Variants in TBCK observed in about 807,000 individuals in gnomAD.
TBCK encodes the protein TBC1 domain containing kinase.
Under a neutral mutation model 113.4 loss-of-function variants are expected in TBCK, and 99 were observed. The ratio of observed to expected loss-of-function variants is 0.87; its 90% CI spans 0.74 to 1.03. The LOEUF is 1.03. TBCK is among the 50% of genes least tolerant of loss of function. The pLI, the probability that TBCK is intolerant of heterozygous loss-of-function variation, is 0.00. For missense variants in TBCK, 1,045 were observed against 1,061.3 expected (o/e 0.98, Z 0.21); for synonymous variants, 369 against 370.8 (o/e 1.00, Z 0.05).
At chr4:106,314,900 C>G (rs189942085) in intron 1 of TBCK, among the ~76,000 whole-genome samples, 1 of 152,228 alleles carries the variant, frequency 6.6e-6, no homozygotes, top group African/African-American at 2.4e-5. Context: ...GCTAGGACTA[C>G]AGGCGTGAGC....
intron 12 of TBCK, 74 bp from the exon 13 acceptor site, chr4:106,236,882 A>G (rs1759532010): frequency 1.2e-6 from 1 of 804,784 alleles, no homozygotes; most frequent in Non-Finnish European, 1.9e-6. Context: ...TAAAAAGACA[A>G]GTAATATAAC....
chr4:106,218,882 A>T (rs2149932094), intron 19 of TBCK, among the ~76,000 whole-genome samples: 1 of 149,008 alleles, frequency 6.7e-6, no homozygotes, highest in East Asian at 2.0e-4. Context: ...ATATACCCAA[A>T]GGACTATAAA....
At chr4:106,058,117 G>C (rs1416373525) in intron 25 of TBCK, among the ~76,000 whole-genome samples, 1 of 151,674 alleles carries the variant, frequency 6.6e-6, no homozygotes, top group East Asian at 1.9e-4. Flanking sequence ...TATTTGAAAG[G>C]CACCATGCTA....
At position 106,262,124 on chromosome 4, in the gene TBCK, G is replaced by A; in HGVS notation, c.355C>T (p.Pro119Ser). The change falls in exon 4 of 26, where the codon CCT (proline) becomes TCT (serine). Residue 119 changes from proline (P) to serine (S), a missense_variant. Coordinates refer to ENST00000394708, the MANE Select transcript of TBCK (RefSeq NM_001163435.3). ...KHGIVHRALSPHNILLDRKGH... is the reference protein window; with the variant it reads ...KHGIVHRALSSHNILLDRKGH... ...TTTCGGTCCAACAGGATATTATGAG[G>A]AGACAATGCCCTGTGTACTATACCA... 6.5e-7 allele frequency: 1 copy of A among 1,539,404 alleles called. No homozygotes were observed. The highest frequency in any genetic ancestry group is 8.8e-7 in the Non-Finnish European group (1 of 1,139,490).
At chr4:106,092,688 G>A (rs62321366) in intron 25 of TBCK, among the ~76,000 whole-genome samples, 10,965 of 152,286 alleles carry the variant, frequency 0.072, 455 homozygotes, top group Middle Eastern at 0.12. Context: ...TGCTCCCAGT[G>A]CGGGGCCGTC....
intron 24 of TBCK, among the ~76,000 whole-genome samples, chr4:106,113,818 A>G (rs1743151599): frequency 6.6e-6 from 1 of 151,940 alleles, no homozygotes; most frequent in African/African-American, 2.4e-5. Context: ...TTTACCTGCA[A>G]CCCTCACCTG....
chr4:106,225,292 C>T (rs1424094807), intron 19 of TBCK, among the ~76,000 whole-genome samples: 1 of 151,730 alleles, frequency 6.6e-6, no homozygotes, highest in Non-Finnish European at 1.5e-5. Context: ...AATTAAATAC[C>T]AATTCAAGAT....
intron 23 of TBCK, among the ~76,000 whole-genome samples, chr4:106,128,923 G>A (rs1382927691): frequency 6.6e-6 from 1 of 152,078 alleles, no homozygotes; most frequent in Non-Finnish European, 1.5e-5. Context: ...TGGATATAAT[G>A]GAATGCACAG....
chr4:106,250,442 T>C lies in TBCK; in HGVS notation c.634A>G (p.Arg212Gly). The part of the protein sequence containing the change: ...KLFQSLDISE[R>G]LKFLLTLDCV... The stretch of plus-strand genomic sequence containing the variant: ...CCCAAAGTAAGCAAAAATTTTAGTC[T>C]TTCAGAAATATCCAAGCTCTGAAAT... Residue 212 changes from arginine to glycine, a missense_variant, in exon 7 of 26, where the codon AGA becomes GGA. Arg to Gly is a moderately radical substitution (Grantham distance 125, BLOSUM62 -2). Coordinates refer to ENST00000394708, the MANE Select transcript of TBCK (RefSeq NM_001163435.3). 1 of 1,568,674 alleles carries C rather than the reference T, an allele frequency of 6.4e-7. No homozygotes were observed. Among genetic ancestry groups the C allele is most frequent in the Non-Finnish European group, 8.7e-7 (1 of 1,148,726 alleles).
intron 5 of TBCK, among the ~76,000 whole-genome samples, chr4:106,252,890 C>A (rs781011400): frequency 6.6e-6 from 1 of 152,046 alleles, no homozygotes; most frequent in Non-Finnish European, 1.5e-5. Flanking sequence ...ATGAGGGTGC[C>A]TATTTCCTCA....
intron 22 of TBCK, among the ~76,000 whole-genome samples, chr4:106,189,350 A>T: frequency 6.9e-6 from 1 of 144,794 alleles, no homozygotes; most frequent in African/African-American, 2.6e-5. Context: ...CTCAAAAAAA[A>T]AAAAAAAAAG....
chr4:106,247,833 A>T (rs1346471383), intron 9 of TBCK: 1 of 156,386 alleles, frequency 6.4e-6, no homozygotes, highest in African/African-American at 2.4e-5. Context: ...TGAAACTTCT[A>T]AGAAATCCTT....
At chr4:106,316,222 G>C, upstream of TBCK, 1 of 260,132 alleles carries the variant, frequency 3.8e-6, no homozygotes, top group South Asian at 7.3e-5. Context: ...CCTCCCCTCA[G>C]CCTGGCCTTT....
At chr4:106,122,842 C>T (rs1350103266) in intron 23 of TBCK, among the ~76,000 whole-genome samples, 1 of 152,108 alleles carries the variant, frequency 6.6e-6, no homozygotes, top group Non-Finnish European at 1.5e-5. Context: ...ATGCTAAAAA[C>T]TCTCAATAAA....
intron 20 of TBCK, among the ~76,000 whole-genome samples, chr4:106,203,748 T>C (rs1755142689): frequency 6.6e-6 from 1 of 152,090 alleles, no homozygotes; most frequent in African/African-American, 2.4e-5. Flanking sequence ...TTCAATTATT[T>C]CATTGATTAC....
At chr4:106,131,690 G>A (rs1214084997) in intron 23 of TBCK, among the ~76,000 whole-genome samples, 1 of 152,168 alleles carries the variant, frequency 6.6e-6, no homozygotes, top group Non-Finnish European at 1.5e-5. Flanking sequence ...CCAAAAATGT[G>A]GAAGCAAGTT....
intron 3 of TBCK, among the ~76,000 whole-genome samples, chr4:106,286,207 A>C (rs1160975993): frequency 6.6e-6 from 1 of 152,260 alleles, no homozygotes; most frequent in African/African-American, 2.4e-5. Context: ...TGTTAAGGCT[A>C]CTATATGTTC....
intron 25 of TBCK, among the ~76,000 whole-genome samples, chr4:106,068,990 T>C (rs1337108906): frequency 4.4e-5 from 1 of 22,618 alleles, no homozygotes; most frequent in East Asian, 1.0e-3. Context: ...TTGATGGGGT[T>C]GTTTGATTTT....
chr4:106,218,390 G>C (rs1231607899), intron 19 of TBCK, among the ~76,000 whole-genome samples: 13 of 148,552 alleles, frequency 8.8e-5, no homozygotes, highest in African/African-American at 3.2e-4. Flanking sequence ...AAACTAAAGA[G>C]CTTCTGCACA....
Sources: gnomAD v4.1 joint callset for allele counts (sites outside exome capture counted in the v4.1 genomes callset) on GRCh38, gnomAD v4.1.1 for gene constraint, MANE v1.5 for transcripts, NCBI Gene and HGNC (gene_info 2026-07-23, HGNC 2026-07-21) for gene names.